Variants in FBN2 observed in about 807,000 individuals in gnomAD.
FBN2 encodes fibrillin-2.
FBN2 carries 105 observed loss-of-function variants against 355.6 expected under a neutral mutation model. The ratio of observed to expected loss-of-function variants is 0.30; its 90% confidence interval spans 0.25 to 0.35. FBN2 has a LOEUF of 0.35. FBN2 is among the 10% of genes least tolerant of loss of function. The pLI is 1.00. For synonymous variants in FBN2, 1,350 were observed against 1,301.2 expected (o/e 1.04, Z -0.81); for missense variants, 3,280 against 3,758.7 (o/e 0.87, Z 3.33).
chr5:128,381,192 T>C (rs1752226380), intron 11 of FBN2, among the ~76,000 whole-genome samples: 1 of 152,106 alleles, frequency 6.6e-6, no homozygotes, highest in Admixed American at 6.6e-5. Flanking sequence ...GTTTGACTTA[T>C]ACAGACACTA....
At chr5:128,499,928 C>T (rs1449113378) in intron 5 of FBN2, among the ~76,000 whole-genome samples, 2 of 152,040 alleles carry the variant, frequency 1.3e-5, no homozygotes, top group Admixed American at 6.5e-5. Flanking sequence ...CATTAAACCA[C>T]GACATTAAGT....
chr5:128,446,347 G>GT, intron 7 of FBN2, 134 bp downstream of exon 7: 1 of 945,124 alleles, frequency 1.1e-6, no homozygotes, highest in Non-Finnish European at 1.7e-6. Context: ...AACTACTCTA[G>GT]GCTTAAACCT....
At chr5:128,367,339 C>T (rs1041972698) in intron 16 of FBN2, among the ~76,000 whole-genome samples, 2 of 151,994 alleles carry the variant, frequency 1.3e-5, no homozygotes, top group Non-Finnish European at 2.9e-5. Context: ...AAAATGGCAC[C>T]TTATTTTTAA....
chr5:128,523,053 A>G (rs1756477457), intron 4 of FBN2, among the ~76,000 whole-genome samples: 1 of 152,190 alleles, frequency 6.6e-6, no homozygotes, highest in South Asian at 2.1e-4. Flanking sequence ...TATTCAACAG[A>G]TATTTACTGA....
At chr5:128,359,128 A>G (rs1413217330) in intron 19 of FBN2, among the ~76,000 whole-genome samples, 4 of 152,200 alleles carry the variant, frequency 2.6e-5, no homozygotes, top group Admixed American at 2.0e-4. Context: ...AAACAAAAAA[A>G]GTAAAATAAA....
chr5:128,444,286 A>C (rs1754007680), intron 7 of FBN2, among the ~76,000 whole-genome samples: 1 of 151,716 alleles, frequency 6.6e-6, no homozygotes, highest in Admixed American at 6.6e-5. Context: ...GTTAGCCAGG[A>C]TGGTCTCGAT....
rs1749325331 is a variant in FBN2 at position 128,291,639 on chromosome 5, T to C, written c.6182A>G (p.Asp2061Gly). The change falls in exon 49 of 65, where the codon GAT becomes GGT. Residue 2061 changes from aspartate (D) to glycine (G), a missense_variant. Physicochemically the swap from Asp to Gly is moderately conservative, Grantham distance 94. Coordinates refer to ENST00000262464, the MANE Select transcript of FBN2 (RefSeq NM_001999.4). ...AAAAAGACAAATGTTGGGATCTTCA[T>C]CACATTCATTTATATCTGCAGAACA... ...SENCIDINEC[D>G]EDPNICLFGS... The C allele has an allele frequency of 6.2e-7, 1 of 1,613,592 alleles. No individual in the cohort carries two copies. The highest frequency in any genetic ancestry group is 2.2e-5 in the East Asian group (1 of 44,862).
intron 32 of FBN2, 68 bp from the exon 33 acceptor site, chr5:128,330,763 T>G: frequency 6.5e-7 from 1 of 1,546,252 alleles, no homozygotes; most frequent in Non-Finnish European, 8.9e-7. Context: ...AGATTATCGT[T>G]TGTCTTAATT....
At chr5:128,402,649 A>G (rs1161227951) in intron 8 of FBN2, among the ~76,000 whole-genome samples, 2 of 152,180 alleles carry the variant, frequency 1.3e-5, no homozygotes, top group Admixed American at 6.5e-5. Flanking sequence ...GCTCATTAAG[A>G]AATGAAGGGT....
chr5:128,423,588 A>C (rs1753410354), intron 7 of FBN2, among the ~76,000 whole-genome samples: 1 of 152,144 alleles, frequency 6.6e-6, no homozygotes, highest in Non-Finnish European at 1.5e-5. Flanking sequence ...ACACAGCCAA[A>C]CCATATCACA....
chr5:128,446,762 TG>T (rs1754076523), intron 6 of FBN2, among the ~76,000 whole-genome samples, 156 bp from the exon 7 acceptor site: 1 of 152,242 alleles, frequency 6.6e-6, no homozygotes, highest in South Asian at 2.1e-4. Flanking sequence ...TGTATGCATA[TG>T]TTTTAATTTA....
rs766271753 is a variant in FBN2 at position 128,290,744 on chromosome 5, T to C, written c.6433A>G (p.Lys2145Glu). ...TCATTGCTCTTACCTTCATCGTCTT[T>C]GGGGCACAGCTCACAGGGGTCCCCC... ...GWGDPCELCP[K>E]DDEVAFQDLC... The change falls in exon 50 of 65, where the codon AAA becomes GAA. Residue 2145 changes from lysine (K) to glutamate (E), a missense_variant. By Grantham distance (56) the Lys-to-Glu change is moderately conservative. Coordinates refer to ENST00000262464, the MANE Select transcript of FBN2 (RefSeq NM_001999.4). 1.1e-5 allele frequency: 18 copies of C among 1,614,184 alleles called. No homozygotes were observed. The Admixed American group carries it at 2.5e-4, about 22-fold the overall frequency.
At chr5:128,264,173 G>T (rs987545998) in intron 62 of FBN2, among the ~76,000 whole-genome samples, 3 of 152,122 alleles carry the variant, frequency 2.0e-5, no homozygotes, top group African/African-American at 7.2e-5. Context: ...TTAAAAGAGA[G>T]AAGTTTATGA....
chr5:128,396,790 G>T (rs917473952), intron 8 of FBN2, among the ~76,000 whole-genome samples: 6 of 152,174 alleles, frequency 3.9e-5, no homozygotes, highest in South Asian at 2.1e-4. Context: ...ACCCTATCAA[G>T]ATGCTTTCAA....
At chr5:128,369,378 C>T in intron 15 of FBN2, 44 bp from the exon 16 acceptor site, 1 of 1,607,802 alleles carries the variant, frequency 6.2e-7, no homozygotes, top group Non-Finnish European at 8.5e-7. Context: ...GTGATAGAGA[C>T]AAAGAGATTT....
chr5:128,534,866 A>G (rs990888899), intron 2 of FBN2, among the ~76,000 whole-genome samples: 3 of 152,234 alleles, frequency 2.0e-5, no homozygotes, highest in African/African-American at 7.2e-5. Context: ...CTCCAACTCA[A>G]TAATGGCAGT....
Position 128,527,947 on chromosome 5 carries a change from A to T in FBN2, c.457T>A (p.Cys153Ser). Reference protein sequence around the residue: ...SKSIQQCSVRCMNGGTCADDH... With the variant: ...SKSIQQCSVRSMNGGTCADDH... ...TCTGCACAGGTCCCACCATTCATGC[A>T]TCTCACACTGCACTGCTGAACTGCA... Residue 153 changes from cysteine to serine, a missense_variant, in exon 4 of 65, where the codon TGC becomes AGC. Cys to Ser is a moderately radical substitution (Grantham distance 112). Coordinates refer to ENST00000262464, the MANE Select transcript of FBN2 (RefSeq NM_001999.4). 1 of 1,612,080 alleles carries T rather than the reference A, an allele frequency of 6.2e-7. No homozygotes were observed. Among genetic ancestry groups the T allele is most frequent in the Non-Finnish European group, 8.5e-7 (1 of 1,178,494 alleles).
At chr5:128,287,213 C>T (rs927742103) in intron 54 of FBN2, 95 bp downstream of exon 54, 4 of 1,383,262 alleles carry the variant, frequency 2.9e-6, no homozygotes, top group Admixed American at 3.4e-5. Context: ...TTCTGTAAAG[C>T]TCTAGAAGAA....
At chr5:128,498,026 A>G (rs1046055870) in intron 5 of FBN2, among the ~76,000 whole-genome samples, 1 of 152,198 alleles carries the variant, frequency 6.6e-6, no homozygotes, top group Admixed American at 6.5e-5. Flanking sequence ...GTGAGACATC[A>G]GAGGGAGGCA....
Sources: allele counts gnomAD v4.1 joint callset (sites outside exome capture counted in the v4.1 genomes callset), GRCh38; gene constraint gnomAD v4.1.1; transcripts MANE v1.5; gene names NCBI Gene and HGNC (gene_info 2026-07-23, HGNC 2026-07-21).